RABEP1: variants seen among roughly 807,000 people sequenced by gnomAD.
RABEP1 encodes the protein rab GTPase-binding effector protein 1.
RABEP1 carries 51 observed loss-of-function variants against 123.4 expected under a neutral mutation model. The ratio of observed to expected loss-of-function variants is 0.41; its 90% CI spans 0.33 to 0.52. The LOEUF (loss-of-function observed/expected upper bound fraction) is 0.52, where lower values mean the gene tolerates loss of function less well. Ranked by LOEUF, RABEP1 falls within the 20% of genes least tolerant of loss-of-function variation. The pLI is 0.16. For missense variants in RABEP1, 888 were observed against 996.3 expected (o/e 0.89, Z 1.46); for synonymous variants, 347 against 355.2 (o/e 0.98, Z 0.26).
chr17:5,305,956 T>A lies in RABEP1; in HGVS notation c.35-2738T>A, dbSNP rs150201179. Among the ~76,000 whole-genome samples, 29 of 152,252 alleles carry A rather than the reference T, an allele frequency of 1.9e-4. No homozygotes were observed. The East Asian group carries it at 5.2e-3, about 27-fold the overall frequency. On this transcript the variant is annotated intron_variant, in intron 1 of 17. Transcript: ENST00000537505. ...AAAATTACCATTAGTGACATGGAAC[T>A]CAAACCAGCAGTCATCCTCTTTCGG...
intron 2 of RABEP1, among the ~76,000 whole-genome samples, chr17:5,329,719 C>A (rs972921584): frequency 2.6e-5 from 4 of 151,450 alleles, no homozygotes; most frequent in Non-Finnish European, 5.9e-5. Flanking sequence ...GTTTGAAATG[C>A]TTTACTACAA....
At chr17:5,376,554 C>A (rs1159393015) in intron 13 of RABEP1, among the ~76,000 whole-genome samples, 1 of 152,062 alleles carries the variant, frequency 6.6e-6, no homozygotes, top group Non-Finnish European at 1.5e-5. Flanking sequence ...AAAATAAATT[C>A]TATACTGAAT....
intron 2 of RABEP1, among the ~76,000 whole-genome samples, chr17:5,318,785 T>C (rs1003569108): frequency 3.9e-5 from 6 of 152,226 alleles, no homozygotes; most frequent in Non-Finnish European, 8.8e-5. Flanking sequence ...ACATCTGTCA[T>C]GCACATAGAT....
chr17:5,284,287 G>A (rs919609433), intron 1 of RABEP1, among the ~76,000 whole-genome samples: 1 of 152,076 alleles, frequency 6.6e-6, no homozygotes, highest in Admixed American at 6.6e-5. Flanking sequence ...TTTAGTTCAG[G>A]TTTCTTTCCT....
At chr17:5,372,399 C>A (rs528872574) in intron 12 of RABEP1, among the ~76,000 whole-genome samples, 3 of 151,654 alleles carry the variant, frequency 2.0e-5, no homozygotes, top group Admixed American at 6.6e-5. Context: ...TGCAGTGAGC[C>A]GAGATCACAC....
chr17:5,334,892 T>G (rs1166293794), intron 3 of RABEP1, among the ~76,000 whole-genome samples: 2 of 152,186 alleles, frequency 1.3e-5, no homozygotes, highest in Non-Finnish European at 2.9e-5. Context: ...AATTCTAGCT[T>G]TGCTTCATTC....
At position 5,339,118 on chromosome 17, in the gene RABEP1, T is replaced by C. The variant is rs941753110; in HGVS notation, c.648+980T>C. On this transcript the variant is annotated intron_variant, in intron 5 of 17. Transcript: ENST00000537505. ...ACTACAGTGAACTGGCACTCCAGAC[T>C]GGGTGACAGAGTGAGACCCTGTCCC... 2.2e-4 allele frequency among the ~76,000 whole-genome samples: 33 copies of C among 151,830 alleles called. 1 individual carries two copies. The highest frequency in any genetic ancestry group is 7.7e-4 in the African/African-American group (32 of 41,332).
rs779154379 is a variant in RABEP1, at chr17:5,335,255, A to G, written c.439A>G (p.Arg147Gly). ...EQERTQWAQY[R>G]ESAEREIADL... ...GGAGCGAACACAGTGGGCACAGTAT[A>G]GAGAATCCGCAGAGAGGGAAATAGC... Residue 147 changes from arginine to glycine, a missense_variant, in exon 4 of 18, where the codon AGA becomes GGA. Transcript: ENST00000537505. 8 of 1,613,980 alleles carry G rather than the reference A, an allele frequency of 5.0e-6. No homozygotes were observed. The highest frequency in any genetic ancestry group is 6.8e-6 in the Non-Finnish European group (8 of 1,179,964).
chr17:5,341,815 A>G (rs927589344), intron 5 of RABEP1, among the ~76,000 whole-genome samples: 2 of 152,264 alleles, frequency 1.3e-5, no homozygotes, highest in African/African-American at 4.8e-5. Context: ...AAATGATTGT[A>G]GAAGAACAGC....
At chr17:5,299,356 T>C (rs2144490508) in intron 1 of RABEP1, among the ~76,000 whole-genome samples, 1 of 151,880 alleles carries the variant, frequency 6.6e-6, no homozygotes, top group South Asian at 2.1e-4. Context: ...GAGAACACAG[T>C]CTGGGTACTA....
chr17:5,325,321 C>T (rs1905863318), intron 2 of RABEP1, among the ~76,000 whole-genome samples: 1 of 151,398 alleles, frequency 6.6e-6, no homozygotes, highest in Admixed American at 6.6e-5. Flanking sequence ...ACCTGGGCAA[C>T]AAGAGCAAAA....
chr17:5,366,597 C>T (rs1029452001), intron 11 of RABEP1, among the ~76,000 whole-genome samples: 2 of 151,924 alleles, frequency 1.3e-5, no homozygotes, highest in Non-Finnish European at 2.9e-5. Flanking sequence ...AGGCACTTAC[C>T]ACCACACCTG....
intron 3 of RABEP1, among the ~76,000 whole-genome samples, 165 bp downstream of exon 3, chr17:5,332,317 A>G (rs1906626836): frequency 1.3e-5 from 2 of 152,244 alleles, no homozygotes; most frequent in South Asian, 2.1e-4. Flanking sequence ...CACTAATAAC[A>G]TAAATGGATA....
chr17:5,339,526 G>A (rs185905196), intron 5 of RABEP1, among the ~76,000 whole-genome samples: 40 of 152,036 alleles, frequency 2.6e-4, no homozygotes, highest in Non-Finnish European at 5.7e-4. Flanking sequence ...GCCTGGGCGC[G>A]GTGGCTCATG....
chr17:5,334,600 A>C (rs1023422571), intron 3 of RABEP1, among the ~76,000 whole-genome samples: 2 of 152,146 alleles, frequency 1.3e-5, no homozygotes, highest in African/African-American at 2.4e-5. Flanking sequence ...TCCTGGCTTC[A>C]AGTGATCTGC....
intron 8 of RABEP1, among the ~76,000 whole-genome samples, chr17:5,360,524 T>C (rs1373181054): frequency 6.6e-6 from 1 of 152,224 alleles, no homozygotes; most frequent in Non-Finnish European, 1.5e-5. Flanking sequence ...ATCGCGCCAC[T>C]GCACTCCAGC....
intron 6 of RABEP1, among the ~76,000 whole-genome samples, chr17:5,350,132 G>T (rs1219771989): frequency 6.6e-6 from 1 of 152,120 alleles, no homozygotes; most frequent in East Asian, 1.9e-4. Context: ...TGTAATTCCA[G>T]CACTTTGGGA....
intron 8 of RABEP1, among the ~76,000 whole-genome samples, chr17:5,354,864 T>C (rs1908882176): frequency 6.6e-6 from 1 of 152,234 alleles, no homozygotes. Context: ...CTTAACTCCC[T>C]GTAGCATATA....
intron 2 of RABEP1, among the ~76,000 whole-genome samples, chr17:5,328,273 C>A (rs1260076321): frequency 6.6e-6 from 1 of 151,998 alleles, no homozygotes; most frequent in Non-Finnish European, 1.5e-5. Context: ...AATGATGGAT[C>A]TAGGTGATAG....
Sources: gnomAD v4.1 joint callset for allele counts (sites outside exome capture counted in the v4.1 genomes callset) on GRCh38, gnomAD v4.1.1 for gene constraint, MANE v1.5 for transcripts, NCBI Gene and HGNC (gene_info 2026-07-23, HGNC 2026-07-21) for gene names.